Variants in THSD4 observed in about 807,000 individuals in gnomAD.
THSD4 encodes thrombospondin type-1 domain-containing protein 4.
In THSD4, 69 loss-of-function variants were observed where a neutral mutation model predicts 119.0. The observed-to-expected ratio is 0.58, with a 90% CI of 0.48 to 0.71. The LOEUF (loss-of-function observed/expected upper bound fraction) is 0.71, where lower values mean the gene tolerates loss of function less well. Ranked by LOEUF, THSD4 falls within the 30% of genes least tolerant of loss-of-function variation. The pLI is 0.00. For missense variants in THSD4, 1,393 were observed against 1,391.1 expected, an observed-to-expected ratio of 1.00 and a Z score of -0.02; for synonymous variants, 524 against 540.4, an observed-to-expected ratio of 0.97 and a Z score of 0.42.
At chr15:71,630,970 A>G (rs913250188) in intron 7 of THSD4, among the ~76,000 whole-genome samples, 5 of 152,104 alleles carry the variant, frequency 3.3e-5, no homozygotes, top group Non-Finnish European at 7.4e-5. Context: ...GCCTCTCCCC[A>G]CCAGATGCCA....
intron 7 of THSD4, among the ~76,000 whole-genome samples, chr15:71,481,989 A>G (rs922765043): frequency 1.3e-5 from 2 of 152,236 alleles, no homozygotes; most frequent in South Asian, 2.1e-4. Context: ...AAGTCCAGCA[A>G]CAACATGTGG....
intron 11 of THSD4, among the ~76,000 whole-genome samples, chr15:71,739,816 T>C (rs2053200790): frequency 6.6e-6 from 1 of 150,464 alleles, no homozygotes; most frequent in Non-Finnish European, 1.5e-5. Context: ...TTTTTTTTGC[T>C]TTGCTTTGCT....
At chr15:71,421,814 C>T (rs62017886) in intron 7 of THSD4, among the ~76,000 whole-genome samples, 14,696 of 152,176 alleles carry the variant, frequency 0.097, 831 homozygotes, top group South Asian at 0.24. Flanking sequence ...ATTTGCACTT[C>T]GGAGGCTGTT....
intron 8 of THSD4, among the ~76,000 whole-genome samples, chr15:71,678,786 T>G (rs1211443412): frequency 6.6e-6 from 1 of 152,226 alleles, no homozygotes; most frequent in Non-Finnish European, 1.5e-5. Flanking sequence ...AATGTCAGCA[T>G]GGGAAAGACT....
intron 7 of THSD4, among the ~76,000 whole-genome samples, chr15:71,492,738 G>T (rs563786326): frequency 1.4e-5 from 2 of 139,526 alleles, no homozygotes; most frequent in African/African-American, 6.0e-5. Flanking sequence ...GTTAGCCCAG[G>T]GTCTTTTTCA....
chr15:71,681,751 T>C (rs1018955430), intron 8 of THSD4, among the ~76,000 whole-genome samples: 7 of 151,998 alleles, frequency 4.6e-5, no homozygotes, highest in African/African-American at 1.7e-4. Flanking sequence ...CAAGCACCGT[T>C]TGAGTTGTAT....
intron 7 of THSD4, among the ~76,000 whole-genome samples, chr15:71,623,339 T>C (rs1481258592): frequency 6.6e-6 from 1 of 152,228 alleles, no homozygotes; most frequent in African/African-American, 2.4e-5. Flanking sequence ...TAGATTATAC[T>C]CTTTAATCAT....
chr15:71,691,348 G>C (rs2052044901), intron 8 of THSD4, among the ~76,000 whole-genome samples: 1 of 152,214 alleles, frequency 6.6e-6, no homozygotes, highest in South Asian at 2.1e-4. Context: ...ACAGCAAATA[G>C]GAAAAGAATA....
intron 1 of THSD4, among the ~76,000 whole-genome samples, chr15:71,105,524 T>A (rs573711787): frequency 6.6e-6 from 1 of 152,304 alleles, no homozygotes; most frequent in South Asian, 2.1e-4. Context: ...TGAGGCTATC[T>A]GGGGTCCTAC....
chr15:71,584,093 TTA>T (rs1403214786), intron 7 of THSD4, among the ~76,000 whole-genome samples: 4 of 152,050 alleles, frequency 2.6e-5, no homozygotes, highest in African/African-American at 9.7e-5. Flanking sequence ...GTGTATGTAT[TTA>T]TAATTATTAT....
chr15:71,145,861 A>G (rs548521951), intron 2 of THSD4, among the ~76,000 whole-genome samples: 18 of 151,172 alleles, frequency 1.2e-4, no homozygotes, highest in African/African-American at 3.9e-4. Flanking sequence ...AGGGAAGGAG[A>G]AGGAGGAGGA....
At chr15:71,717,612 A>AT (rs1250341918) in intron 8 of THSD4, among the ~76,000 whole-genome samples, 1 of 149,276 alleles carries the variant, frequency 6.7e-6, no homozygotes, top group Non-Finnish European at 1.5e-5. Context: ...AAAAAAAAAA[A>AT]AATCACAAAA....
intron 7 of THSD4, among the ~76,000 whole-genome samples, chr15:71,611,991 C>G (rs1262880276): frequency 6.6e-6 from 1 of 152,160 alleles, no homozygotes. Context: ...TACTCTTCGC[C>G]AAGAACTGCA....
chr15:71,756,659 C>A (rs1361317213), intron 14 of THSD4, among the ~76,000 whole-genome samples: 6 of 152,116 alleles, frequency 3.9e-5, no homozygotes, highest in South Asian at 4.1e-4. Context: ...TCGTGAGCAC[C>A]TGGAGCTACT....
At chr15:71,775,716 A>T (rs1196180133) in intron 17 of THSD4, among the ~76,000 whole-genome samples, 1 of 152,124 alleles carries the variant, frequency 6.6e-6, no homozygotes, top group Non-Finnish European at 1.5e-5. Context: ...GTCTCAAAAA[A>T]AATAAAATAA....
chr15:71,272,516 G>A (rs2044544089), intron 6 of THSD4, among the ~76,000 whole-genome samples: 1 of 151,290 alleles, frequency 6.6e-6, no homozygotes, highest in Non-Finnish European at 1.5e-5. Context: ...TAAAATGCTC[G>A]ATACCACTAA....
chr15:71,377,906 A>ACCCACACACC (rs1566961513), intron 6 of THSD4, among the ~76,000 whole-genome samples: 2 of 66,318 alleles, frequency 3.0e-5, no homozygotes, highest in Admixed American at 1.5e-4. Context: ...ACACACACAC[A>ACCCACACACC]CACACACAAT....
At chr15:71,725,394 T>C (rs1197526515) in intron 8 of THSD4, among the ~76,000 whole-genome samples, 3 of 152,180 alleles carry the variant, frequency 2.0e-5, no homozygotes, top group Non-Finnish European at 4.4e-5. Flanking sequence ...GTCATTCACA[T>C]ATGGTAGTTG....
chr15:71,545,397 T>C (rs1192337206), intron 7 of THSD4, among the ~76,000 whole-genome samples: 1 of 152,212 alleles, frequency 6.6e-6, no homozygotes, highest in Admixed American at 6.5e-5. Context: ...TGTCTGTTTT[T>C]ACAAATAAAG....
Sources: gnomAD v4.1 joint callset for allele counts (sites outside exome capture counted in the v4.1 genomes callset) on GRCh38, gnomAD v4.1.1 for gene constraint, MANE v1.5 for transcripts, NCBI Gene and HGNC (gene_info 2026-07-23, HGNC 2026-07-21) for gene names.